TTC28: variants seen among roughly 807,000 people sequenced by gnomAD.
The protein encoded by TTC28 is tetratricopeptide repeat domain 28.
Under a neutral mutation model 198.0 loss-of-function variants are expected in TTC28, and 61 were observed. The observed-to-expected ratio is 0.31, with a 90% CI of 0.25 to 0.38. The LOEUF (loss-of-function observed/expected upper bound fraction) is 0.38. Ranked by LOEUF, TTC28 falls within the 10% of genes least tolerant of loss-of-function variation. The pLI is 1.00. For synonymous variants in TTC28, 1,171 were observed against 1,297.8 expected, an observed-to-expected ratio of 0.90 and a Z score of 2.10; for missense variants, 2,678 against 3,164.0, an observed-to-expected ratio of 0.85 and a Z score of 3.69.
At chr22:28,095,730 C>T (rs575129264) in intron 11 of TTC28, among the ~76,000 whole-genome samples, 1 of 152,238 alleles carries the variant, frequency 6.6e-6, no homozygotes, top group East Asian at 1.9e-4. Flanking sequence ...TTCTGTTAAA[C>T]TCAGAAATTT....
At chr22:28,166,535 A>C (rs1333782401) in intron 5 of TTC28, among the ~76,000 whole-genome samples, 2 of 152,234 alleles carry the variant, frequency 1.3e-5, no homozygotes, top group Non-Finnish European at 2.9e-5. Context: ...AAACCGCTCA[A>C]CTACATGGAA....
At chr22:28,132,492 TC>T (rs1031297197) in intron 6 of TTC28, among the ~76,000 whole-genome samples, 21 of 152,174 alleles carry the variant, frequency 1.4e-4, no homozygotes, top group Middle Eastern at 3.2e-3. Context: ...TCAAAAAGCC[TC>T]CCAAAACATT....
intron 5 of TTC28, among the ~76,000 whole-genome samples, chr22:28,225,374 GAAGAAGAAGAAGAAGAAGAAGAAGAAGA>G (rs1928238319): frequency 9.4e-6 from 1 of 105,826 alleles, no homozygotes; most frequent in African/African-American, 3.9e-5. Context: ...AAGAAAAGAA[GAAGAAGAAGAAGAAGAAGAAGAAGAAGA>G]AAGAAGAAGA....
chr22:28,451,828 A>G (rs1039897377), intron 2 of TTC28, among the ~76,000 whole-genome samples: 1 of 152,188 alleles, frequency 6.6e-6, no homozygotes, highest in African/African-American at 2.4e-5. Flanking sequence ...CCACAGCTAT[A>G]GTGCATGTGT....
At chr22:28,562,063 G>A (rs539621469) in intron 2 of TTC28, among the ~76,000 whole-genome samples, 1 of 152,220 alleles carries the variant, frequency 6.6e-6, no homozygotes, top group East Asian at 1.9e-4. Context: ...AGTGAATCAT[G>A]AAAATTCACA....
intron 2 of TTC28, among the ~76,000 whole-genome samples, chr22:28,591,038 CACATATATATATATATAT>C (rs1397632111): frequency 4.1e-4 from 10 of 24,524 alleles, no homozygotes; most frequent in African/African-American, 1.4e-3. Flanking sequence ...CACACACACA[CACATATATATATATATAT>C]ATATATATAT....
At chr22:28,648,931 G>GGAGA (rs148966380) in intron 1 of TTC28, among the ~76,000 whole-genome samples, 32 of 149,320 alleles carry the variant, frequency 2.1e-4, no homozygotes, top group African/African-American at 6.9e-4. Context: ...GAAAAGAAAA[G>GGAGA]GAGAGAGAGA....
intron 5 of TTC28, among the ~76,000 whole-genome samples, chr22:28,212,279 AG>A (rs1249260233): frequency 1.3e-5 from 2 of 152,018 alleles, no homozygotes; most frequent in South Asian, 2.1e-4. Context: ...CTAAGATCAG[AG>A]CAGAACTGAA....
Position 28,118,747 on chromosome 22 carries a change from A to G in TTC28, c.1442-10344T>C, listed in dbSNP as rs1290947851. Reference sequence around the variant, plus strand: ...CTATTGTTAAACGACACATGACTATATTTCTTTCTTTGCTTCAGCCACCAA... The same window carrying G: ...CTATTGTTAAACGACACATGACTATGTTTCTTTCTTTGCTTCAGCCACCAA... On this transcript the variant is annotated intron_variant, in intron 6 of 22. Transcript: ENST00000397906. Among the ~76,000 whole-genome samples, 5 of 152,242 alleles carry G rather than the reference A, an allele frequency of 3.3e-5. No individual in the cohort carries two copies. The East Asian group carries it at 7.7e-4, about 24-fold the overall frequency.
intron 2 of TTC28, among the ~76,000 whole-genome samples, chr22:28,575,297 T>C (rs1272184591): frequency 6.6e-6 from 1 of 152,212 alleles, no homozygotes; most frequent in East Asian, 1.9e-4. Context: ...CCCCAATGTA[T>C]GTTCTTGGCA....
intron 14 of TTC28, among the ~76,000 whole-genome samples, chr22:28,011,160 T>C (rs1423734234): frequency 1.3e-5 from 2 of 152,210 alleles, no homozygotes; most frequent in Non-Finnish European, 2.9e-5. Context: ...ACCTCCTGTA[T>C]ACTTTAAATC....
intron 2 of TTC28, among the ~76,000 whole-genome samples, chr22:28,398,322 C>G: frequency 6.6e-6 from 1 of 152,076 alleles, no homozygotes. Flanking sequence ...ATACAGTAGC[C>G]GCATTTCTGT....
At chr22:28,573,337 C>T (rs2146032911) in intron 2 of TTC28, among the ~76,000 whole-genome samples, 1 of 151,636 alleles carries the variant, frequency 6.6e-6, no homozygotes, top group Non-Finnish European at 1.5e-5. Flanking sequence ...CGTGTAGTCC[C>T]AGCTACTCGG....
At chr22:28,630,175 C>T (rs914173065) in intron 1 of TTC28, among the ~76,000 whole-genome samples, 1 of 152,170 alleles carries the variant, frequency 6.6e-6, no homozygotes. Flanking sequence ...GTGGAAGCAG[C>T]TTAATGCCCT....
intron 3 of TTC28, 46 bp downstream of exon 3, chr22:28,306,450 A>G (rs2045147427): frequency 2.0e-6 from 3 of 1,522,556 alleles, no homozygotes; most frequent in Non-Finnish European, 2.6e-6. Flanking sequence ...GCTAGAAATG[A>G]TCTTCTTTAA....
intron 5 of TTC28, among the ~76,000 whole-genome samples, chr22:28,169,086 T>C (rs1314575875): frequency 3.3e-5 from 5 of 152,236 alleles, no homozygotes; most frequent in Non-Finnish European, 7.3e-5. Context: ...TCATCATTAC[T>C]GGCCATCAGA....
chr22:28,289,981 G>C (rs986054846), intron 5 of TTC28, among the ~76,000 whole-genome samples: 1 of 151,852 alleles, frequency 6.6e-6, no homozygotes, highest in Non-Finnish European at 1.5e-5. Context: ...CCGAGACTGC[G>C]CCATTGCACT....
intron 8 of TTC28, among the ~76,000 whole-genome samples, chr22:28,103,421 G>C (rs1447447202): frequency 6.6e-6 from 1 of 152,170 alleles, no homozygotes. Context: ...ACTGAAGCAG[G>C]GTGATGCTGA....
chr22:28,423,152 G>A (rs1273855178), intron 2 of TTC28, among the ~76,000 whole-genome samples: 4 of 152,144 alleles, frequency 2.6e-5, no homozygotes, highest in Non-Finnish European at 5.9e-5. Context: ...AGCACTTTGG[G>A]AGGCCGAGGC....
Sources: allele counts gnomAD v4.1 joint callset (sites outside exome capture counted in the v4.1 genomes callset), GRCh38; gene constraint gnomAD v4.1.1; transcripts MANE v1.5; gene names NCBI Gene and HGNC (gene_info 2026-07-23, HGNC 2026-07-21).